The following MCU variants were observed in gnomAD, a reference collection of about 807,000 sequenced individuals.
MCU encodes calcium uniporter protein, mitochondrial.
A neutral mutation model predicts 45.2 loss-of-function variants in MCU; 12 were observed. That is an observed-to-expected ratio of 0.27 (90% CI 0.17 to 0.43). MCU has a LOEUF of 0.43. Ranked by LOEUF, MCU falls within the 20% of genes least tolerant of loss-of-function variation. MCU has a pLI of 1.00. For synonymous variants in MCU, 160 were observed against 165.1 expected (o/e 0.97, Z 0.24); for missense variants, 324 against 436.7 (o/e 0.74, Z 2.30).
chr10:72,752,351 C>G (rs2132711715), intron 1 of MCU, among the ~76,000 whole-genome samples: 1 of 152,186 alleles, frequency 6.6e-6, no homozygotes, highest in African/African-American at 2.4e-5. Flanking sequence ...CTGCCTCGGC[C>G]TCCCAGTGTG....
intron 1 of MCU, among the ~76,000 whole-genome samples, chr10:72,778,320 T>C (rs1475906158): frequency 2.0e-5 from 3 of 152,196 alleles, no homozygotes; most frequent in East Asian, 1.9e-4. Context: ...GTGGTATATA[T>C]ACACAATGGG....
chr10:72,745,174 A>G (rs189286202), intron 1 of MCU, among the ~76,000 whole-genome samples: 38 of 152,288 alleles, frequency 2.5e-4, no homozygotes, highest in Admixed American at 2.4e-3. Flanking sequence ...TTTATTTCTA[A>G]AGGTTCAGAT....
At chr10:72,742,109 C>T (rs1483767321) in intron 1 of MCU, among the ~76,000 whole-genome samples, 2 of 150,654 alleles carry the variant, frequency 1.3e-5, no homozygotes, top group Non-Finnish European at 2.9e-5. Context: ...ATTATAGTAT[C>T]GTATACTGTA....
intron 1 of MCU, among the ~76,000 whole-genome samples, chr10:72,808,741 C>T (rs1844492886): frequency 1.3e-5 from 2 of 152,008 alleles, no homozygotes; most frequent in Non-Finnish European, 1.5e-5. Flanking sequence ...TGGCGGAAGG[C>T]GAAGAGGGAG....
intron 6 of MCU, among the ~76,000 whole-genome samples, chr10:72,873,179 C>T (rs576931034): frequency 2.0e-4 from 31 of 151,604 alleles, no homozygotes; most frequent in Non-Finnish European, 3.4e-4. Flanking sequence ...CCACCACGCC[C>T]GGCTAATTTT....
chr10:72,887,029 A>G lies in MCU; in HGVS notation c.*1207A>G, dbSNP rs1033754954. The stretch of plus-strand genomic sequence containing the variant: ...ATACTTTGTCAAAACATTTTCTACC[A>G]TATTTCCAGATGACATCTGCGCTTG... On this transcript the variant is annotated 3_prime_UTR_variant, in exon 8 of 8. Coordinates refer to ENST00000373053, the MANE Select transcript of MCU (RefSeq NM_138357.3). The G allele has an allele frequency of 6.6e-6, 1 of 152,334 alleles. No homozygotes were observed. The highest frequency in any genetic ancestry group is 2.4e-5 in the African/African-American group (1 of 41,448). 9.4% of individuals were successfully genotyped at this position (152,334 alleles called of 1,614,324 possible).
At chr10:72,832,932 C>CTGTGTGTGTGTGTG (rs1399130294) in intron 1 of MCU, among the ~76,000 whole-genome samples, 28 of 57,120 alleles carry the variant, frequency 4.9e-4, no homozygotes, top group African/African-American at 1.0e-3. Context: ...AAACCAATAG[C>CTGTGTGTGTGTGTG]TATGTGTGTG....
At chr10:72,809,399 A>G (rs1238582391) in intron 1 of MCU, among the ~76,000 whole-genome samples, 1 of 152,206 alleles carries the variant, frequency 6.6e-6, no homozygotes, top group Non-Finnish European at 1.5e-5. Flanking sequence ...AGAAGGAACA[A>G]AAAGAAGCAA....
chr10:72,704,764 G>A lies in MCU; in HGVS notation c.150+12463G>A, dbSNP rs889083637. The stretch of plus-strand genomic sequence containing the variant: ...GAGTCTCGCTCTGTAGCCCAGGCTG[G>A]AGTGCAGTGGCGCGATCTCGACTCA... On this transcript the variant is annotated intron_variant, in intron 1 of 7. Transcript: ENST00000373053. Among the ~76,000 whole-genome samples the A allele has an allele frequency of 2.7e-5, 4 of 146,638 alleles. No homozygotes were observed. The Admixed American group carries it at 2.8e-4, about 10-fold the overall frequency.
intron 1 of MCU, among the ~76,000 whole-genome samples, chr10:72,697,995 G>T (rs1842711481): frequency 6.6e-6 from 1 of 151,638 alleles, no homozygotes. Flanking sequence ...GCCCAAGCTG[G>T]TTTCTTAACT....
intron 1 of MCU, among the ~76,000 whole-genome samples, chr10:72,811,222 T>A (rs1844538718): frequency 6.6e-6 from 1 of 152,234 alleles, no homozygotes; most frequent in African/African-American, 2.4e-5. Flanking sequence ...AAGTCTAGAT[T>A]GCCTTTTCAG....
At chr10:72,729,441 G>A (rs377325882) in intron 1 of MCU, among the ~76,000 whole-genome samples, 18 of 152,170 alleles carry the variant, frequency 1.2e-4, no homozygotes, top group African/African-American at 4.3e-4. Flanking sequence ...CTGCACTCCA[G>A]CCTAGGTGAC....
At chr10:72,744,945 T>C (rs1843393338) in intron 1 of MCU, among the ~76,000 whole-genome samples, 1 of 152,214 alleles carries the variant, frequency 6.6e-6, no homozygotes, top group South Asian at 2.1e-4. Flanking sequence ...TTTTTGTTTT[T>C]GCTTTTTTGG....
intron 1 of MCU, among the ~76,000 whole-genome samples, chr10:72,779,773 A>G (rs951752299): frequency 6.6e-6 from 1 of 152,218 alleles, no homozygotes; most frequent in Non-Finnish European, 1.5e-5. Context: ...TGCGACAGAA[A>G]ATAACAAGTG....
intron 5 of MCU, among the ~76,000 whole-genome samples, chr10:72,870,650 T>A (rs4237278): frequency 1 from 152,064 of 152,358 alleles, 75,890 homozygotes; most frequent in Middle Eastern, 1. Flanking sequence ...TTGCAGATCA[T>A]CGCTCTGAAT....
At chr10:72,693,897 C>G (rs1056304210) in intron 1 of MCU, among the ~76,000 whole-genome samples, 2 of 152,196 alleles carry the variant, frequency 1.3e-5, no homozygotes, top group African/African-American at 4.8e-5. Flanking sequence ...GATAAGACAT[C>G]TTCTGACTTT....
chr10:72,722,391 C>T (rs1308720107), intron 1 of MCU, among the ~76,000 whole-genome samples: 3 of 149,522 alleles, frequency 2.0e-5, no homozygotes, highest in African/African-American at 7.4e-5. Context: ...CCCTTAACCT[C>T]AGCTGTTTCT....
intron 2 of MCU, among the ~76,000 whole-genome samples, chr10:72,848,716 A>T (rs1038284359): frequency 8.2e-6 from 1 of 121,650 alleles, no homozygotes; most frequent in Admixed American, 8.0e-5. Flanking sequence ...GTGTATTGAG[A>T]TATATGTTTG....
rs974941366 is a variant in MCU at position 72,887,516 on chromosome 10, A to G, written c.*1694A>G. ...CATAGGGTTTTTAAGAAGAAACAGC[A>G]CAGTGCAACGAGCAAATCTTTTTGG... On this transcript the variant is annotated 3_prime_UTR_variant, in exon 8 of 8. Transcript: ENST00000373053. 6.5e-6 allele frequency: 1 copy of G among 152,900 alleles called. No homozygotes were observed. The highest frequency in any genetic ancestry group is 2.4e-5 in the African/African-American group (1 of 41,580). 9.5% of individuals were successfully genotyped at this position (152,900 alleles called of 1,614,324 possible).
Sources: allele counts gnomAD v4.1 joint callset (sites outside exome capture counted in the v4.1 genomes callset), GRCh38; gene constraint gnomAD v4.1.1; transcripts MANE v1.5; gene names NCBI Gene and HGNC (gene_info 2026-07-23, HGNC 2026-07-21).